The following IL17RE variants were observed in gnomAD, a reference collection of about 807,000 sequenced individuals.
The protein encoded by IL17RE is interleukin-17 receptor E.
A neutral mutation model predicts 70.7 loss-of-function variants in IL17RE; 47 were observed. The ratio of observed to expected loss-of-function variants is 0.67; its 90% CI spans 0.53 to 0.85. IL17RE has a LOEUF of 0.85. Among genes scored for constraint, IL17RE ranks in the 40% least tolerant of loss-of-function variants. IL17RE has a pLI of 0.00. For missense variants in IL17RE, 850 were observed against 893.9 expected, an observed-to-expected ratio of 0.95 and a Z score of 0.63; for synonymous variants, 372 against 381.2, an observed-to-expected ratio of 0.98 and a Z score of 0.28.
Position 9,914,770 on chromosome 3 carries a change from A to C in IL17RE, c.1440A>C (p.Pro480=). The C allele has an allele frequency of 6.2e-7, 1 of 1,613,472 alleles. No homozygotes were observed. Among genetic ancestry groups the C allele is most frequent in the Non-Finnish European group, 8.5e-7 (1 of 1,179,868 alleles). The change falls in exon 15 of 16, where the codon CCA becomes CCC. Residue 480 remains proline (P), a synonymous_variant. Transcript: ENST00000383814. Reference sequence around the variant, plus strand: ...TTCTGGCCCTCACCTGCCGGCGCCCACAGTCAGGTAAGCTCACCTGGGGTA... The same window carrying C: ...TTCTGGCCCTCACCTGCCGGCGCCCCCAGTCAGGTAAGCTCACCTGGGGTA... The part of the protein sequence containing the change: ...GVVLALTCRR[P]QSGPGPARPV...
intron 6 of IL17RE, 119 bp from the exon 7 acceptor site, chr3:9,908,120 C>A: frequency 1.3e-6 from 1 of 758,768 alleles, no homozygotes; most frequent in Non-Finnish European, 2.3e-6. Flanking sequence ...GAAGAAGTAT[C>A]TCATATTAGA....
rs2125100963 is a variant in IL17RE, at chr3:9,915,666, T to C, written c.1863T>C (p.Arg621=). The C allele has an allele frequency of 1.4e-6, 2 of 1,396,078 alleles. No homozygotes were observed. Among genetic ancestry groups the C allele is most frequent in the Admixed American group, 3.5e-5 (1 of 28,482 alleles). 86.5% of individuals were successfully genotyped at this position (1,396,078 alleles called of 1,614,324 possible). A position where few individuals can be genotyped will look rare whatever the true frequency, so the allele number is the denominator to read the frequency against. The change falls in exon 16 of 16, where the codon CGT becomes CGC. Residue 621 remains arginine (R), a synonymous_variant. Transcript: ENST00000383814. The surrounding 1 kb of genome is among the most constrained non-coding windows in gnomAD (Gnocchi z 4.9). ...ACCGCCTGCTGCGCGACCTGCCGCG[T>C]CTGCTGCGGGCGCTGGACGCGCGGC... ...PRYRLLRDLP[R]LLRALDARPF...
In IL17RE at chr3:9,914,910, C is replaced by T; in HGVS notation, c.1447+133C>T. 6 of 777,432 alleles carry T rather than the reference C, an allele frequency of 7.7e-6. No homozygotes were observed. The South Asian group carries it at 1.0e-4, about 13-fold the overall frequency. 48.2% of individuals were successfully genotyped at this position (777,432 alleles called of 1,614,324 possible). ...TACCCAGGCAGGGAGCCTCAGGCCC[C>T]CAAGTGAGCAGGAATGGTTAAGGCA... On this transcript the variant is annotated intron_variant, in intron 15 of 15. Transcript: ENST00000383814.
In IL17RE at chr3:9,902,974, C is replaced by T; in HGVS notation, c.42C>T (p.Leu14=). The T allele has an allele frequency of 6.2e-7, 1 of 1,614,216 alleles. No homozygotes were observed. Among genetic ancestry groups the T allele is most frequent in the Non-Finnish European group, 8.5e-7 (1 of 1,179,998 alleles). ...SRLAALLLPL[L]LIVIDLSDSA... ...TGGCAGCCCTGCTCCTGCCTCTCCT[C>T]CTCATAGTCATCGACCTCTCTGACT... The change falls in exon 1 of 16, where the codon CTC becomes CTT. Residue 14 remains leucine, a synonymous_variant. Coordinates refer to ENST00000383814, the MANE Select transcript of IL17RE (RefSeq NM_153480.2).
intron 6 of IL17RE, among the ~76,000 whole-genome samples, chr3:9,907,884 C>T (rs1439102886): frequency 6.6e-6 from 1 of 152,140 alleles, no homozygotes; most frequent in Admixed American, 6.5e-5. Flanking sequence ...CCCTGAGGCC[C>T]TCAGCTTATC....
At chr3:9,907,530 A>T (rs1226565347) in intron 6 of IL17RE, among the ~76,000 whole-genome samples, 1 of 152,144 alleles carries the variant, frequency 6.6e-6, no homozygotes, top group Non-Finnish European at 1.5e-5. Context: ...GAGCAGAGAG[A>T]TTAGTATGGT....
At chr3:9,902,718 G>A (rs1428174262), upstream of IL17RE, 13 of 1,534,970 alleles carry the variant, frequency 8.5e-6, no homozygotes, top group East Asian at 2.4e-5. Flanking sequence ...GTTTTTGGGG[G>A]CACAAGCTTT....
chr3:9,913,852 G>T, intron 12 of IL17RE, 104 bp from the exon 13 acceptor site: 1 of 904,342 alleles, frequency 1.1e-6, no homozygotes. Context: ...AGCCTCGTAG[G>T]ATTGGGGGTG....
At chr3:9,907,799 A>G (rs1219902904) in intron 6 of IL17RE, among the ~76,000 whole-genome samples, 1 of 152,132 alleles carries the variant, frequency 6.6e-6, no homozygotes, top group Non-Finnish European at 1.5e-5. Flanking sequence ...GGGCCCCAGC[A>G]TCCCACCTCA....
intron 1 of IL17RE, 25 bp downstream of exon 1, chr3:9,903,089 A>T: frequency 1.3e-6 from 2 of 1,575,666 alleles, no homozygotes; most frequent in Non-Finnish European, 1.7e-6. Flanking sequence ...CCAGGTAGGG[A>T]CACCTGCCTG....
chr3:9,908,308 G>T lies in IL17RE; in HGVS notation c.735+1G>T, dbSNP rs780508221. ...CCTTCTGCCCTGTCTGTGCATAGAG[G>T]TGAGCAAAGGAAAAGGTGTGGGCTG... On this transcript the variant is annotated splice_donor_variant, in intron 7 of 15. Transcript: ENST00000383814. LOFTEE classifies it high-confidence loss of function. 3 of 1,613,866 alleles carry T rather than the reference G, an allele frequency of 1.9e-6. No homozygotes were observed. The highest frequency in any genetic ancestry group is 2.7e-5 in the African/African-American group (2 of 75,046).
Position 9,906,463 on chromosome 3 carries a change from T to A in IL17RE, c.366+2T>A. 6.2e-7 allele frequency: 1 copy of A among 1,605,156 alleles called. No individual in the cohort carries two copies. ...CACAAGATGCCAGCACCTGCTCAGGTACTCTCCCTGTCAGTTCCAGCCCTA... is the reference window on the plus strand; with the variant it reads ...CACAAGATGCCAGCACCTGCTCAGGAACTCTCCCTGTCAGTTCCAGCCCTA... On this transcript the variant is annotated splice_donor_variant, in intron 4 of 15. Coordinates refer to ENST00000383814, the MANE Select transcript of IL17RE (RefSeq NM_153480.2). LOFTEE classifies it high-confidence loss of function.
intron 7 of IL17RE, 141 bp from the exon 8 acceptor site, chr3:9,909,076 T>G: frequency 8.5e-5 from 39 of 459,764 alleles, no homozygotes; most frequent in Middle Eastern, 6.8e-4. Flanking sequence ...CCACCCCACA[T>G]TGCCCCCTCC....
intron 1 of IL17RE, 26 bp downstream of exon 1, chr3:9,903,090 C>A: frequency 6.3e-7 from 1 of 1,576,194 alleles, no homozygotes; most frequent in Non-Finnish European, 8.7e-7. Context: ...CAGGTAGGGA[C>A]ACCTGCCTGG....
intron 15 of IL17RE, among the ~76,000 whole-genome samples, 197 bp downstream of exon 15, chr3:9,914,974 G>C (rs150795888): frequency 6.6e-6 from 1 of 152,362 alleles, no homozygotes; most frequent in African/African-American, 2.4e-5. Context: ...ACTGTACTGA[G>C]TCTCTGTACA....
chr3:9,907,666 C>A (rs575654735), intron 6 of IL17RE, among the ~76,000 whole-genome samples: 1 of 152,182 alleles, frequency 6.6e-6, no homozygotes, highest in Non-Finnish European at 1.5e-5. Context: ...CTTTTCAGCT[C>A]CCCTAAGAGG....
chr3:9,910,820 T>C (rs2082872272), intron 8 of IL17RE, 45 bp from the exon 9 acceptor site: 2 of 1,578,996 alleles, frequency 1.3e-6, no homozygotes, highest in South Asian at 2.3e-5. Flanking sequence ...AAGGTGGGGC[T>C]GAAGCAGGGC....
At position 9,915,414 on chromosome 3, in the gene IL17RE, G is replaced by A. The variant is rs1210882609; in HGVS notation, c.1611G>A (p.Pro537=). 2 of 1,359,988 alleles carry A rather than the reference G, an allele frequency of 1.5e-6. No individual in the cohort carries two copies. Among genetic ancestry groups the A allele is most frequent in the Non-Finnish European group, 1.9e-6 (2 of 1,065,968 alleles). 84.2% of individuals were successfully genotyped at this position (1,359,988 alleles called of 1,614,324 possible). ...WEGRHVARVG[P]LPWLWAARTR... ...GGAGGCACGTGGCGCGCGTGGGCCCGCTGCCGTGGCTCTGGGCGGCGCGGA... is the reference window on the plus strand; with the variant it reads ...GGAGGCACGTGGCGCGCGTGGGCCCACTGCCGTGGCTCTGGGCGGCGCGGA... The change falls in exon 16 of 16, where the codon CCG becomes CCA. Residue 537 remains proline (P), a synonymous_variant. Transcript: ENST00000383814. This position sits in a 1 kb window ranked among gnomAD's most constrained non-coding sequence, Gnocchi z 4.9.
In IL17RE at chr3:9,907,120, T is replaced by C. The variant is rs752586372; in HGVS notation, c.666+20T>C. The C allele has an allele frequency of 1.9e-6, 3 of 1,613,742 alleles. No individual in the cohort carries two copies. Among genetic ancestry groups the C allele is most frequent in the Non-Finnish European group, 2.5e-6 (3 of 1,179,826 alleles). Reference sequence around the variant, plus strand: ...GTCCAGGTATGGTGTGTCATCCCCCTGTAAAAAGCCCGATCACACAGTGCT... The same window carrying C: ...GTCCAGGTATGGTGTGTCATCCCCCCGTAAAAAGCCCGATCACACAGTGCT... On this transcript the variant is annotated intron_variant, in intron 6 of 15. Coordinates refer to ENST00000383814, the MANE Select transcript of IL17RE (RefSeq NM_153480.2).
Sources: allele counts gnomAD v4.1 joint callset (sites outside exome capture counted in the v4.1 genomes callset), GRCh38; gene constraint gnomAD v4.1.1; non-coding constraint Gnocchi (gnomAD v3.1); transcripts MANE v1.5; gene names NCBI Gene and HGNC (gene_info 2026-07-23, HGNC 2026-07-21).